PRKG1: variants seen among roughly 807,000 people sequenced by gnomAD.
PRKG1 encodes cGMP-dependent protein kinase 1.
PRKG1 carries 35 observed loss-of-function variants against 88.1 expected under a neutral mutation model. The observed-to-expected ratio is 0.40, with a 90% CI of 0.30 to 0.53. The LOEUF is 0.53. Among genes scored for constraint, PRKG1 ranks in the 20% least tolerant of loss-of-function variants. PRKG1 has a pLI of 0.59. For missense variants in PRKG1, 540 were observed against 839.8 expected (o/e 0.64, Z 4.41); for synonymous variants, 303 against 292.5 (o/e 1.04, Z -0.37).
At chr10:52,226,703 C>A (rs1840396106) in intron 9 of PRKG1, among the ~76,000 whole-genome samples, 1 of 151,980 alleles carries the variant, frequency 6.6e-6, no homozygotes, top group South Asian at 2.1e-4. Flanking sequence ...ATTTTCATTT[C>A]CCAGAGACTC....
chr10:51,024,898 T>C (rs1843186287), intron 1 of PRKG1, among the ~76,000 whole-genome samples: 1 of 152,082 alleles, frequency 6.6e-6, no homozygotes, highest in Non-Finnish European at 1.5e-5. Context: ...CCTCCAACAT[T>C]GGAGGTTACC....
At chr10:52,012,848 T>C (rs1844927140) in intron 5 of PRKG1, among the ~76,000 whole-genome samples, 1 of 152,216 alleles carries the variant, frequency 6.6e-6, no homozygotes, top group Non-Finnish European at 1.5e-5. Flanking sequence ...TTTCACAGAA[T>C]ACCATGTGTG....
intron 3 of PRKG1, among the ~76,000 whole-genome samples, chr10:51,680,079 C>T (rs1266862451): frequency 6.6e-6 from 1 of 152,174 alleles, no homozygotes; most frequent in South Asian, 2.1e-4. Context: ...AGGCCACACA[C>T]GGGCCACCAC....
At chr10:52,193,337 G>T (rs1209238146) in intron 9 of PRKG1, among the ~76,000 whole-genome samples, 2 of 151,810 alleles carry the variant, frequency 1.3e-5, no homozygotes, top group South Asian at 4.1e-4. Flanking sequence ...CTGAGGTCAG[G>T]AGTTTGAGAC....
chr10:52,273,602 T>C (rs1431385663), intron 12 of PRKG1, among the ~76,000 whole-genome samples: 1 of 152,126 alleles, frequency 6.6e-6, no homozygotes, highest in Non-Finnish European at 1.5e-5. Flanking sequence ...CCTTTCGTGT[T>C]ATTCCCATGG....
At chr10:51,034,667 T>TA (rs1491324041) in intron 1 of PRKG1, among the ~76,000 whole-genome samples, 287 of 18,168 alleles carry the variant, frequency 0.016, 6 homozygotes, top group East Asian at 0.13. Context: ...TAATATGTTA[T>TA]TTATATATAT....
intron 1 of PRKG1, among the ~76,000 whole-genome samples, chr10:51,127,595 A>G (rs563120512): frequency 5.9e-5 from 9 of 152,288 alleles, no homozygotes; most frequent in African/African-American, 1.9e-4. Flanking sequence ...TGACCAAGCA[A>G]TCTCATCACT....
At chr10:51,472,407 T>TA (rs1174406933) in intron 3 of PRKG1, among the ~76,000 whole-genome samples, 1 of 151,944 alleles carries the variant, frequency 6.6e-6, no homozygotes, top group East Asian at 1.9e-4. Flanking sequence ...TTTTTTGCTG[T>TA]AAATACTTTT....
chr10:52,195,329 T>A (rs1174868468), intron 9 of PRKG1, among the ~76,000 whole-genome samples: 1 of 152,172 alleles, frequency 6.6e-6, no homozygotes, highest in Non-Finnish European at 1.5e-5. Flanking sequence ...GCTACCCATT[T>A]TATATATTTA....
chr10:51,417,621 A>G (rs7097690), intron 2 of PRKG1, among the ~76,000 whole-genome samples: 3,744 of 152,242 alleles, frequency 0.025, 150 homozygotes, highest in African/African-American at 0.085. Context: ...AGTAGGACCG[A>G]GTCTTTTATA....
chr10:51,053,721 C>A (rs1450004152), intron 1 of PRKG1, among the ~76,000 whole-genome samples: 1 of 151,068 alleles, frequency 6.6e-6, no homozygotes, highest in Admixed American at 6.6e-5. Context: ...GTAGTTTAAG[C>A]TTCATAATTG....
At chr10:52,200,773 A>C (rs1350544450) in intron 9 of PRKG1, among the ~76,000 whole-genome samples, 1 of 152,120 alleles carries the variant, frequency 6.6e-6, no homozygotes, top group Admixed American at 6.6e-5. Flanking sequence ...ATGATATCTC[A>C]TTGTGATTTA....
intron 1 of PRKG1, among the ~76,000 whole-genome samples, chr10:51,087,111 C>T (rs1054264220): frequency 3.9e-4 from 59 of 152,186 alleles, no homozygotes; most frequent in African/African-American, 1.4e-3. Context: ...CAATCCATTG[C>T]TTTATCATCA....
At chr10:50,994,900 T>A (rs1463870254) in intron 1 of PRKG1, among the ~76,000 whole-genome samples, 2 of 151,956 alleles carry the variant, frequency 1.3e-5, no homozygotes, top group Non-Finnish European at 2.9e-5. Context: ...TATTTACATA[T>A]AATTTATATT....
At chr10:52,265,908 T>C (rs1018606624) in intron 10 of PRKG1, among the ~76,000 whole-genome samples, 5 of 152,120 alleles carry the variant, frequency 3.3e-5, no homozygotes, top group Non-Finnish European at 7.4e-5. Context: ...ATTTACCGAT[T>C]CTAATTTCTA....
chr10:52,096,744 CAT>C (rs1381976269), intron 7 of PRKG1, among the ~76,000 whole-genome samples: 1 of 152,024 alleles, frequency 6.6e-6, no homozygotes, highest in Non-Finnish European at 1.5e-5. Flanking sequence ...ATATAATACA[CAT>C]ATAATTTTTT....
intron 2 of PRKG1, among the ~76,000 whole-genome samples, chr10:51,300,135 T>C (rs551827151): frequency 1.3e-5 from 2 of 152,216 alleles, no homozygotes; most frequent in Non-Finnish European, 2.9e-5. Context: ...TAAATGTCAC[T>C]ATTTCGTCTA....
intron 3 of PRKG1, among the ~76,000 whole-genome samples, chr10:51,490,821 TA>T (rs1169319170): frequency 6.6e-6 from 1 of 152,140 alleles, no homozygotes; most frequent in Non-Finnish European, 1.5e-5. Flanking sequence ...GATGGAAGCA[TA>T]AAAGTGTCCA....
chr10:52,132,108 G>T (rs1295277471), intron 7 of PRKG1, among the ~76,000 whole-genome samples: 1 of 151,906 alleles, frequency 6.6e-6, no homozygotes, highest in African/African-American at 2.4e-5. Flanking sequence ...CCAAGTGAAA[G>T]AAATTATGAA....
Sources: allele counts gnomAD v4.1 joint callset (sites outside exome capture counted in the v4.1 genomes callset), GRCh38; gene constraint gnomAD v4.1.1; transcripts MANE v1.5; gene names NCBI Gene and HGNC (gene_info 2026-07-23, HGNC 2026-07-21).